NXPH1: variants seen among roughly 807,000 people sequenced by gnomAD.
The protein encoded by NXPH1 is neurexophilin-1.
NXPH1 carries 5 observed loss-of-function variants against 23.7 expected under a neutral mutation model. The ratio of observed to expected loss-of-function variants is 0.21; its 90% CI spans 0.11 to 0.44. The LOEUF (loss-of-function observed/expected upper bound fraction) is 0.44. NXPH1 is among the 20% of genes least tolerant of loss of function. The pLI is 0.99. For synonymous variants in NXPH1, 144 were observed against 122.2 expected (o/e 1.18, Z -1.18); for missense variants, 324 against 321.6 (o/e 1.01, Z -0.06).
chr7:8,563,063 A>C (rs10243435), intron 2 of NXPH1, among the ~76,000 whole-genome samples: 10,870 of 151,812 alleles, frequency 0.072, 416 homozygotes, highest in Middle Eastern at 0.1. Context: ...ATTTGAATTA[A>C]ATCTTTTGAC....
intron 2 of NXPH1, among the ~76,000 whole-genome samples, chr7:8,662,645 A>G (rs1820696360): frequency 6.6e-6 from 1 of 151,992 alleles, no homozygotes; most frequent in Admixed American, 6.6e-5. Flanking sequence ...CTTTATGCAA[A>G]TTAGAAAACT....
At chr7:8,636,752 G>C (rs1352182555) in intron 2 of NXPH1, among the ~76,000 whole-genome samples, 1 of 152,166 alleles carries the variant, frequency 6.6e-6, no homozygotes, top group Non-Finnish European at 1.5e-5. Context: ...TCAACATCAG[G>C]TTTGTATAGT....
chr7:8,565,084 A>G (rs1017949114), intron 2 of NXPH1, among the ~76,000 whole-genome samples: 2 of 151,788 alleles, frequency 1.3e-5, no homozygotes, highest in Non-Finnish European at 2.9e-5. Context: ...CCTGTGGCAT[A>G]TAAGACGGCA....
chr7:8,635,234 G>A (rs1031255791), intron 2 of NXPH1, among the ~76,000 whole-genome samples: 1 of 152,188 alleles, frequency 6.6e-6, no homozygotes, highest in African/African-American at 2.4e-5. Context: ...CAAAGGTTAT[G>A]AGAATGACAG....
chr7:8,581,485 T>C (rs918810371), intron 2 of NXPH1, among the ~76,000 whole-genome samples: 5 of 152,142 alleles, frequency 3.3e-5, no homozygotes, highest in Non-Finnish European at 7.3e-5. Context: ...AACCAGATCA[T>C]GTGAGAGCTC....
chr7:8,677,285 A>G (rs1410893188), intron 2 of NXPH1, among the ~76,000 whole-genome samples: 2 of 152,234 alleles, frequency 1.3e-5, no homozygotes, highest in Non-Finnish European at 2.9e-5. Flanking sequence ...TATAACATTT[A>G]TACTAAGATC....
chr7:8,710,814 C>T (rs956020622), intron 2 of NXPH1, among the ~76,000 whole-genome samples: 3 of 138,426 alleles, frequency 2.2e-5, no homozygotes, highest in Admixed American at 2.1e-4. Context: ...AGGCGCCCGC[C>T]ACCGCGCCCG....
chr7:8,607,742 T>G (rs2128628800), intron 2 of NXPH1, among the ~76,000 whole-genome samples: 1 of 152,360 alleles, frequency 6.6e-6, no homozygotes, highest in South Asian at 2.1e-4. Flanking sequence ...GATACTGTTG[T>G]GGGTTGAAAT....
Position 8,721,901 on chromosome 7 carries a change from ACAC to A in NXPH1, c.55-29106_55-29104del, listed in dbSNP as rs1286513593. Among the ~76,000 whole-genome samples the A allele has an allele frequency of 9.2e-5, 14 of 152,388 alleles. No individual in the cohort carries two copies. The East Asian group carries it at 2.7e-3, about 29-fold the overall frequency. On this transcript the variant is annotated intron_variant, in intron 2 of 2. Transcript: ENST00000405863. ...TTTTAATTAAAAGGAAATTAATGAT[ACAC>A]TTAGAATATGCTATTTAATTTCACC...
intron 2 of NXPH1, among the ~76,000 whole-genome samples, chr7:8,637,283 T>A (rs1820231784): frequency 6.6e-6 from 1 of 151,744 alleles, no homozygotes; most frequent in South Asian, 2.1e-4. Context: ...AGTTCAGTGG[T>A]GCAATCATGG....
intron 2 of NXPH1, among the ~76,000 whole-genome samples, chr7:8,500,986 C>T (rs1817421202): frequency 6.6e-6 from 1 of 152,122 alleles, no homozygotes; most frequent in African/African-American, 2.4e-5. Flanking sequence ...AAGTAAATAG[C>T]ATGGAAGAGG....
At chr7:8,530,695 A>G (rs1313499706) in intron 2 of NXPH1, among the ~76,000 whole-genome samples, 1 of 152,168 alleles carries the variant, frequency 6.6e-6, no homozygotes, top group Admixed American at 6.5e-5. Context: ...GTGAGGTGAG[A>G]GCAGAGGGTG....
In NXPH1 at chr7:8,698,193, C is replaced by T. The variant is rs558470455; in HGVS notation, c.55-52815C>T. 9.2e-5 allele frequency among the ~76,000 whole-genome samples: 14 copies of T among 152,318 alleles called. No homozygotes were observed. In the South Asian group the frequency reaches 1.9e-3, roughly 20 times the overall value. On this transcript the variant is annotated intron_variant, in intron 2 of 2. Coordinates refer to ENST00000405863, the MANE Select transcript of NXPH1 (RefSeq NM_152745.3). ...AGTTCTGTACCATGACAAACATTTA[C>T]ACCAATATTCCATGTGTTGTTTGAA...
At chr7:8,571,982 T>C (rs2214515) in intron 2 of NXPH1, among the ~76,000 whole-genome samples, 59,911 of 151,582 alleles carry the variant, frequency 0.4, 13,293 homozygotes, top group African/African-American at 0.62. Context: ...AGGGGTAGGC[T>C]TGAAAGGTTA....
intron 2 of NXPH1, among the ~76,000 whole-genome samples, chr7:8,478,693 A>G (rs1425145287): frequency 1.3e-5 from 2 of 152,108 alleles, no homozygotes; most frequent in African/African-American, 4.8e-5. Flanking sequence ...ATGCCAAGAC[A>G]TGTTCTAGCA....
At chr7:8,448,681 G>A (rs965506689) in intron 2 of NXPH1, among the ~76,000 whole-genome samples, 4 of 152,132 alleles carry the variant, frequency 2.6e-5, no homozygotes, top group Non-Finnish European at 5.9e-5. Flanking sequence ...GCCGGGTGTG[G>A]CGGCACATGC....
chr7:8,652,658 C>T (rs568532057), intron 2 of NXPH1, among the ~76,000 whole-genome samples: 1 of 152,222 alleles, frequency 6.6e-6, no homozygotes, highest in East Asian at 1.9e-4. Flanking sequence ...TCATATGGAG[C>T]TTATTTCTGG....
chr7:8,725,348 G>T (rs1035405562), intron 2 of NXPH1, among the ~76,000 whole-genome samples: 1 of 152,016 alleles, frequency 6.6e-6, no homozygotes, highest in African/African-American at 2.4e-5. Flanking sequence ...AAATTAACTG[G>T]GCATGGTGGT....
At chr7:8,681,862 T>C (rs1821054707) in intron 2 of NXPH1, among the ~76,000 whole-genome samples, 1 of 152,200 alleles carries the variant, frequency 6.6e-6, no homozygotes. Flanking sequence ...ATTGGGAGGT[T>C]GTAGAAACTT....
Sources: gnomAD v4.1 joint callset for allele counts (sites outside exome capture counted in the v4.1 genomes callset) on GRCh38, gnomAD v4.1.1 for gene constraint, MANE v1.5 for transcripts, NCBI Gene and HGNC (gene_info 2026-07-23, HGNC 2026-07-21) for gene names.